CSTF3: variants seen among roughly 807,000 people sequenced by gnomAD.
CSTF3 encodes cleavage stimulation factor subunit 3.
In CSTF3, 29 loss-of-function variants were observed where a neutral mutation model predicts 105.8. The ratio of observed to expected loss-of-function variants is 0.27; its 90% CI spans 0.20 to 0.37. CSTF3 has a LOEUF of 0.37. Ranked by LOEUF, CSTF3 falls within the 10% of genes least tolerant of loss-of-function variation. The pLI, the probability that CSTF3 is intolerant of heterozygous loss-of-function variation, is 1.00. For missense variants in CSTF3, 357 were observed against 879.3 expected (o/e 0.41, Z 7.51); for synonymous variants, 252 against 281.9 (o/e 0.89, Z 1.06).
rs557685832 is a variant in CSTF3 at position 33,109,547 on chromosome 11, A to G, written c.226-1129T>C. ...CTGGAGTCAGACCTCTTAGGTTCAC[A>G]ATCTGGCTATCTACTTAACCTCTTT... is the stretch of plus-strand genomic sequence containing the variant. On this transcript the variant is annotated intron_variant, in intron 3 of 20. Transcript: ENST00000323959. Among the ~76,000 whole-genome samples the G allele has an allele frequency of 1.1e-4, 17 of 152,324 alleles. 1 individual carries two copies. The South Asian group carries it at 3.5e-3, about 32-fold the overall frequency.
At chr11:33,107,613 A>T (rs1422458918) in intron 5 of CSTF3, among the ~76,000 whole-genome samples, 1 of 138,514 alleles carries the variant, frequency 7.2e-6, no homozygotes, top group East Asian at 2.1e-4. Flanking sequence ...ACAAGTATGA[A>T]GATGGTTTTT....
At position 33,105,548 on chromosome 11, in the gene CSTF3, C is replaced by T; in HGVS notation, c.585+19G>A. ...AAATGGCTTGGTTTATAATAAACAA[C>T]TACTCTGACCTAATTTACCTCTTCA... is the stretch of plus-strand genomic sequence containing the variant. On this transcript the variant is annotated intron_variant, in intron 8 of 20. Transcript: ENST00000323959. The T allele has an allele frequency of 6.3e-7, 1 of 1,592,678 alleles. No individual in the cohort carries two copies. Among genetic ancestry groups the T allele is most frequent in the South Asian group, 1.1e-5 (1 of 87,282 alleles).
At position 33,124,535 on chromosome 11, in the gene CSTF3, TA is replaced by T. The variant is rs533263833; in HGVS notation, c.226-16118del. Among the ~76,000 whole-genome samples the T allele has an allele frequency of 2.8e-4, 42 of 152,234 alleles. No homozygotes were observed. The South Asian group carries it at 8.3e-3, about 30-fold the overall frequency. On this transcript the variant is annotated intron_variant, in intron 3 of 20. Coordinates refer to ENST00000323959, the MANE Select transcript of CSTF3 (RefSeq NM_001326.3). ...ATAATAAACATAAAAATAAAACTCA[TA>T]ATCATTTTTGCCCTGAAAAAAGTGA...
At chr11:33,114,118 AAAACAAAATT>A (rs1362685297) in intron 3 of CSTF3, among the ~76,000 whole-genome samples, 2 of 152,236 alleles carry the variant, frequency 1.3e-5, no homozygotes, top group Admixed American at 6.5e-5. Flanking sequence ...TTAATAGGTT[AAAACAAAATT>A]AATTACTTAA....
At chr11:33,091,297 G>C (rs1185568206) in intron 16 of CSTF3, among the ~76,000 whole-genome samples, 2 of 152,176 alleles carry the variant, frequency 1.3e-5, no homozygotes, top group Non-Finnish European at 2.9e-5. Flanking sequence ...TGTTCTAACA[G>C]CTAAAATTAA....
chr11:33,157,062 A>G (rs973109261), intron 1 of CSTF3, among the ~76,000 whole-genome samples: 1 of 152,050 alleles, frequency 6.6e-6, no homozygotes, highest in Non-Finnish European at 1.5e-5. Flanking sequence ...AAAAAAAACA[A>G]ACACCACAGG....
At chr11:33,135,465 A>G (rs1855643996) in intron 3 of CSTF3, among the ~76,000 whole-genome samples, 1 of 152,120 alleles carries the variant, frequency 6.6e-6, no homozygotes, top group African/African-American at 2.4e-5. Flanking sequence ...TCCATCCTCT[A>G]GAGATTGAGT....
At chr11:33,131,194 T>C (rs979820245) in intron 3 of CSTF3, among the ~76,000 whole-genome samples, 1 of 152,200 alleles carries the variant, frequency 6.6e-6, no homozygotes, top group Admixed American at 6.5e-5. Context: ...GCAACTAGAA[T>C]TTTAGAGATA....
At chr11:33,136,487 C>T (rs747734312) in intron 3 of CSTF3, among the ~76,000 whole-genome samples, 1 of 151,884 alleles carries the variant, frequency 6.6e-6, no homozygotes, top group Non-Finnish European at 1.5e-5. Flanking sequence ...GTGCCTTGAA[C>T]CAGACTCATT....
chr11:33,152,980 T>C (rs946481393), intron 1 of CSTF3, among the ~76,000 whole-genome samples: 1 of 151,662 alleles, frequency 6.6e-6, no homozygotes, highest in Non-Finnish European at 1.5e-5. Context: ...ACAATAATAA[T>C]TGAGGAGCCC....
chr11:33,142,108 T>G, intron 1 of CSTF3, 122 bp from the exon 2 acceptor site: 1 of 1,473,206 alleles, frequency 6.8e-7, no homozygotes, highest in Non-Finnish European at 9.0e-7. Flanking sequence ...AAATATCCTC[T>G]TATAAAAGAG....
In CSTF3 at chr11:33,099,262, C is replaced by A; in HGVS notation, c.937-112G>T. On this transcript the variant is annotated intron_variant, in intron 11 of 20. Transcript: ENST00000323959. The surrounding 1 kb of genome is among the most constrained non-coding windows in gnomAD (Gnocchi z 4.1). Reference sequence around the variant, plus strand: ...TTATTTATGTGTCTAAGAAAGCATACATGTATGTACACACATATATATGTA... The same window carrying A: ...TTATTTATGTGTCTAAGAAAGCATAAATGTATGTACACACATATATATGTA... 1 of 1,234,300 alleles carries A rather than the reference C, an allele frequency of 8.1e-7. No individual in the cohort carries two copies. The highest frequency in any genetic ancestry group is 1.1e-6 in the Non-Finnish European group (1 of 894,146). 76.5% of individuals were successfully genotyped at this position (1,234,300 alleles called of 1,614,324 possible).
intron 17 of CSTF3, 73 bp downstream of exon 17, chr11:33,090,459 G>A (rs1855157895): frequency 1.2e-6 from 1 of 844,562 alleles, no homozygotes; most frequent in African/African-American, 1.7e-5. Flanking sequence ...AATTTAGAGT[G>A]CAGGTTATCA....
At chr11:33,096,285 T>A (rs779348199) in intron 15 of CSTF3, 21 bp downstream of exon 15, 1 of 1,393,218 alleles carries the variant, frequency 7.2e-7, no homozygotes, top group South Asian at 1.3e-5. Context: ...GTAATCATTA[T>A]AGATTCTAGA....
At chr11:33,117,951 AGGATT>A (rs1289523115) in intron 3 of CSTF3, among the ~76,000 whole-genome samples, 1 of 151,958 alleles carries the variant, frequency 6.6e-6, no homozygotes, top group East Asian at 1.9e-4. Context: ...TTTCACTGGA[AGGATT>A]GAGACAATTT....
chr11:33,138,437 C>T (rs1855677602), intron 3 of CSTF3, among the ~76,000 whole-genome samples: 1 of 151,714 alleles, frequency 6.6e-6, no homozygotes, highest in African/African-American at 2.4e-5. Flanking sequence ...TATTTAGTGA[C>T]CTTTTTGATC....
At chr11:33,087,575 G>A (rs1157482879) in intron 17 of CSTF3, among the ~76,000 whole-genome samples, 4 of 152,156 alleles carry the variant, frequency 2.6e-5, no homozygotes, top group Non-Finnish European at 5.9e-5. Context: ...TTTTGTGAAG[G>A]CATCACACCG....
intron 3 of CSTF3, among the ~76,000 whole-genome samples, chr11:33,126,315 C>CTT (rs1855542293): frequency 6.6e-6 from 1 of 152,002 alleles, no homozygotes; most frequent in African/African-American, 2.4e-5. Flanking sequence ...TGGTGGCCTG[C>CTT]AACTGTGGTC....
intron 1 of CSTF3, among the ~76,000 whole-genome samples, chr11:33,157,603 A>G (rs1849884108): frequency 6.6e-6 from 1 of 152,216 alleles, no homozygotes; most frequent in Non-Finnish European, 1.5e-5. Flanking sequence ...AATCACAGCA[A>G]TAAACCTTTA....
Sources: gnomAD v4.1 joint callset for allele counts (sites outside exome capture counted in the v4.1 genomes callset) on GRCh38, gnomAD v4.1.1 for gene constraint, Gnocchi (gnomAD v3.1) non-coding constraint, MANE v1.5 for transcripts, NCBI Gene and HGNC (gene_info 2026-07-23, HGNC 2026-07-21) for gene names.